Variants in TOM1 observed in about 807,000 individuals in gnomAD.
The protein encoded by TOM1 is target of myb1 membrane trafficking protein, also known as target of Myb protein 1.
In TOM1, 38 loss-of-function variants were observed where a neutral mutation model predicts 61.3. The observed-to-expected ratio is 0.62, with a 90% CI of 0.48 to 0.81. The LOEUF is 0.81. Among genes scored for constraint, TOM1 ranks in the 40% least tolerant of loss-of-function variants. The probability of loss-of-function intolerance (pLI) is 0.00; values close to 1 mark genes in which losing one functional copy is unlikely to be tolerated. For synonymous variants in TOM1, 270 were observed against 268.8 expected, an observed-to-expected ratio of 1.00 and a Z score of -0.04; for missense variants, 591 against 659.6, an observed-to-expected ratio of 0.90 and a Z score of 1.14.
intron 11 of TOM1, among the ~76,000 whole-genome samples, chr22:35,337,714 CCCCGCT>C (rs1929496769): frequency 6.6e-6 from 1 of 152,230 alleles, no homozygotes; most frequent in Non-Finnish European, 1.5e-5. Flanking sequence ...GTTAGACCAG[CCCCGCT>C]TCACTAGCGT....
intron 8 of TOM1, 119 bp downstream of exon 8, chr22:35,330,599 A>G: frequency 9.3e-7 from 1 of 1,075,828 alleles, no homozygotes; most frequent in Non-Finnish European, 1.3e-6. Context: ...CTCAAACACA[A>G]GGCAGGCTCC....
rs756574663 is a variant in TOM1 at position 35,347,145 on chromosome 22, C to G, written c.1415C>G (p.Pro472Arg). ...TCAGCTGAGGGGCCCCCGGGTCCCC[C>G]ATCTGGCCCAGCGCCCCGGAAGAAG... Reference protein sequence around the residue: ...SPSAEGPPGPPSGPAPRKKTQ... With the variant: ...SPSAEGPPGPRSGPAPRKKTQ... Residue 472 changes from proline to arginine, a missense_variant, in exon 15 of 15, where the codon CCA (proline) becomes CGA (arginine). Pro to Arg is a moderately radical substitution (Grantham distance 103). Transcript: ENST00000449058. 3.7e-6 allele frequency: 6 copies of G among 1,613,586 alleles called. No individual in the cohort carries two copies. The East Asian group carries it at 1.3e-4, about 36-fold the overall frequency.
intron 1 of TOM1, among the ~76,000 whole-genome samples, chr22:35,316,622 G>A (rs146608045): frequency 3.2e-4 from 48 of 152,308 alleles, no homozygotes; most frequent in African/African-American, 1.1e-3. Context: ...CTCTGCAGCC[G>A]ACTCCCGGCC....
At chr22:35,331,371 G>A (rs1055053033) in intron 8 of TOM1, 19 of 452,824 alleles carry the variant, frequency 4.2e-5, no homozygotes, top group Admixed American at 1.2e-4. Context: ...CTTGGCCTCC[G>A]AAAGCATTGG....
rs1007200743 is a variant in TOM1 at position 35,332,500 on chromosome 22, C to T, written c.900-481C>T. On this transcript the variant is annotated intron_variant, in intron 8 of 14. Coordinates refer to ENST00000449058, the MANE Select transcript of TOM1 (RefSeq NM_005488.3). ...AACAGACCCCACACTAAAGTCTTCT[C>T]GATCTATCACACCGGCCCCTAAGTA... 5.3e-5 allele frequency among the ~76,000 whole-genome samples: 8 copies of T among 152,032 alleles called. No individual in the cohort carries two copies. In the East Asian group the frequency reaches 5.8e-4, roughly 11 times the overall value.
rs1930591690 is a variant in TOM1 at position 35,347,269 on chromosome 22, ACCTC to A, written c.*70_*73del. ...ACTGCTCTCACACCCTTAGGCTGGG[ACCTC>A]CCTCCCTCCTCTGGTGTTAAGGCTG... On this transcript the variant is annotated 3_prime_UTR_variant, in exon 15 of 15. Transcript: ENST00000449058. The A allele has an allele frequency of 6.7e-7, 1 of 1,491,354 alleles. No homozygotes were observed. The highest frequency in any genetic ancestry group is 9.0e-7 in the Non-Finnish European group (1 of 1,113,708). The allele number at this position is 1,491,354 out of a possible 1,614,324, so 92.4% of individuals were successfully genotyped here. A position where few individuals can be genotyped will look rare whatever the true frequency, so the allele number is the denominator to read the frequency against.
At chr22:35,318,822 G>A (rs1322391266) in intron 2 of TOM1, among the ~76,000 whole-genome samples, 1 of 152,230 alleles carries the variant, frequency 6.6e-6, no homozygotes, top group Non-Finnish European at 1.5e-5. Context: ...AAATCAGTGT[G>A]GACCCTCCTT....
chr22:35,324,412 C>CA (rs58401864), intron 6 of TOM1, among the ~76,000 whole-genome samples: 6,979 of 57,662 alleles, frequency 0.12, 640 homozygotes, highest in African/African-American at 0.24. Flanking sequence ...AGACCTGTTT[C>CA]AAAAAAAAAA....
chr22:35,324,849 C>G (rs1255594353), intron 6 of TOM1, among the ~76,000 whole-genome samples: 2 of 152,222 alleles, frequency 1.3e-5, no homozygotes, highest in African/African-American at 4.8e-5. Context: ...CACACCCAGC[C>G]AAGAAGGTTT....
chr22:35,318,121 G>A, intron 2 of TOM1, 160 bp downstream of exon 2: 1 of 645,602 alleles, frequency 1.5e-6, no homozygotes, highest in Non-Finnish European at 2.8e-6. Flanking sequence ...TGAGCCCCTA[G>A]TACCTGAGCC....
intron 11 of TOM1, among the ~76,000 whole-genome samples, chr22:35,334,765 G>A (rs1421976603): frequency 6.6e-6 from 1 of 152,170 alleles, no homozygotes; most frequent in Non-Finnish European, 1.5e-5. Context: ...AGGTCAAGGA[G>A]CTAATATTTG....
At chr22:35,301,208 C>T (rs1459633569) in intron 1 of TOM1, among the ~76,000 whole-genome samples, 2 of 152,066 alleles carry the variant, frequency 1.3e-5, no homozygotes, top group East Asian at 3.9e-4. Flanking sequence ...GCCTGGACGA[C>T]GCAGGGAGAG....
intron 1 of TOM1, among the ~76,000 whole-genome samples, chr22:35,303,313 G>GC (rs1601658819): frequency 6.6e-6 from 1 of 151,756 alleles, no homozygotes; most frequent in Non-Finnish European, 1.5e-5. Flanking sequence ...AGATCCTCAG[G>GC]CCCCCTTGCC....
chr22:35,302,768 G>A (rs1362172375), intron 1 of TOM1, among the ~76,000 whole-genome samples: 3 of 152,154 alleles, frequency 2.0e-5, no homozygotes, highest in African/African-American at 7.2e-5. Context: ...CCAGTAAATT[G>A]ACAGCAAAAC....
intron 2 of TOM1, chr22:35,321,758 G>C (rs1421031831): frequency 1.4e-6 from 1 of 701,382 alleles, no homozygotes; most frequent in South Asian, 1.5e-5. Context: ...TGCTGCTGGA[G>C]GTCCAGGGGC....
intron 12 of TOM1, chr22:35,345,466 C>T (rs902435179): frequency 7.0e-6 from 4 of 567,848 alleles, no homozygotes; most frequent in African/African-American, 1.9e-5. Context: ...TGGGGTTCTT[C>T]TCTTCAAGGG....
chr22:35,310,040 C>T lies in TOM1; in HGVS notation c.53-7837C>T, dbSNP rs371627770. 1.1e-3 allele frequency among the ~76,000 whole-genome samples: 174 copies of T among 152,344 alleles called. 1 individual carries two copies. The South Asian group carries it at 0.035, about 31-fold the overall frequency. On this transcript the variant is annotated intron_variant, in intron 1 of 14. Transcript: ENST00000449058. Reference sequence around the variant, plus strand: ...CATGGTAGGGTTAATAAAAATTTCACATAGTCACTGAGTACAGTAATAGAA... The same window carrying T: ...CATGGTAGGGTTAATAAAAATTTCATATAGTCACTGAGTACAGTAATAGAA...
intron 1 of TOM1, chr22:35,311,271 C>A (rs1926795374): frequency 6.6e-6 from 1 of 152,224 alleles, no homozygotes; most frequent in East Asian, 1.9e-4. Flanking sequence ...CTGGACCTCA[C>A]TCCTTAAAGA....
At chr22:35,309,717 T>C (rs1410739929) in intron 1 of TOM1, among the ~76,000 whole-genome samples, 2 of 151,778 alleles carry the variant, frequency 1.3e-5, no homozygotes, top group South Asian at 2.1e-4. Context: ...TCTGTGTCCA[T>C]CTAGAATGAA....
Sources: allele counts gnomAD v4.1 joint callset (sites outside exome capture counted in the v4.1 genomes callset), GRCh38; gene constraint gnomAD v4.1.1; transcripts MANE v1.5; gene names NCBI Gene and HGNC (gene_info 2026-07-23, HGNC 2026-07-21).